The following DDX4 variants were observed in gnomAD, a reference collection of about 807,000 sequenced individuals.
DDX4 encodes the protein DEAD-box helicase 4, also known as probable ATP-dependent RNA helicase DDX4.
Under a neutral mutation model 100.0 loss-of-function variants are expected in DDX4, and 25 were observed. That is an observed-to-expected ratio of 0.25 (90% confidence interval 0.18 to 0.35). DDX4 has a LOEUF of 0.35. DDX4 is among the 10% of genes least tolerant of loss of function. The probability of loss-of-function intolerance (pLI) is 1.00; values close to 1 mark genes in which losing one functional copy is unlikely to be tolerated. For synonymous variants in DDX4, 259 were observed against 275.7 expected, an observed-to-expected ratio of 0.94 and a Z score of 0.60; for missense variants, 635 against 882.4, an observed-to-expected ratio of 0.72 and a Z score of 3.55.
intron 17 of DDX4, among the ~76,000 whole-genome samples, chr5:55,793,095 G>C (rs1742697237): frequency 6.6e-6 from 1 of 151,208 alleles, no homozygotes; most frequent in South Asian, 2.1e-4. Flanking sequence ...AATCCAGCTA[G>C]GGTTTAATAA....
At chr5:55,780,133 G>A (rs368446851) in intron 8 of DDX4, 68 bp downstream of exon 8, 25 of 1,568,648 alleles carry the variant, frequency 1.6e-5, no homozygotes, top group Middle Eastern at 1.7e-4. Flanking sequence ...AAAAAAATAC[G>A]TATCAAAGAA....
chr5:55,813,753 T>G lies in DDX4; in HGVS notation c.1696T>G (p.Ser566Ala). The G allele has an allele frequency of 6.3e-7, 1 of 1,597,180 alleles. No individual in the cohort carries two copies. The highest frequency in any genetic ancestry group is 8.5e-7 in the Non-Finnish European group (1 of 1,173,584). The stretch of plus-strand genomic sequence containing the variant: ...AACTTTTCTTTGTCAAGAAAAAATA[T>G]CAACTACAAGTATTCATGGGTGAGT... ...IATFLCQEKISTTSIHGDREQ... is the reference protein window; with the variant it reads ...IATFLCQEKIATTSIHGDREQ... Residue 566 changes from serine to alanine, a missense_variant, in exon 19 of 22, where the codon TCA becomes GCA. This residue lies in a region of DDX4 where 115 missense variants were observed against 224.7 expected (regional missense o/e 0.51). Coordinates refer to ENST00000505374, the MANE Select transcript of DDX4 (RefSeq NM_024415.3).
At chr5:55,805,085 A>T (rs972577650) in intron 18 of DDX4, among the ~76,000 whole-genome samples, 3 of 151,766 alleles carry the variant, frequency 2.0e-5, no homozygotes, top group Non-Finnish European at 4.4e-5. Flanking sequence ...CTTTGAAGCA[A>T]TTGTGAATGG....
chr5:55,799,888 G>T (rs896929369), intron 18 of DDX4, among the ~76,000 whole-genome samples: 1 of 152,060 alleles, frequency 6.6e-6, no homozygotes, highest in African/African-American at 2.4e-5. Flanking sequence ...ATGCGAAGGT[G>T]GTTCATCAGC....
chr5:55,788,721 C>T (rs1251357443), intron 15 of DDX4, among the ~76,000 whole-genome samples: 1 of 152,112 alleles, frequency 6.6e-6, no homozygotes, highest in South Asian at 2.1e-4. Flanking sequence ...TAGGTTCTTT[C>T]TAACTTGGGG....
intron 17 of DDX4, 32 bp downstream of exon 17, chr5:55,792,839 A>T (rs1742664626): frequency 3.5e-6 from 4 of 1,156,414 alleles, no homozygotes; most frequent in Non-Finnish European, 4.5e-6. Context: ...TAATTTAATT[A>T]TATATATATA....
At chr5:55,763,290 G>C in intron 5 of DDX4, 38 bp downstream of exon 5, 1 of 1,317,520 alleles carries the variant, frequency 7.6e-7, no homozygotes, top group Admixed American at 1.7e-5. Context: ...ATCAAAACTT[G>C]AGTGATTTTT....
Position 55,816,586 on chromosome 5 carries a change from A to C in DDX4, c.*46A>C. ...CTGTGGTTTTGATGCAGAGAAGAAA[A>C]TAGTTTTGATTTTTGAGTTTTTAAC... On this transcript the variant is annotated 3_prime_UTR_variant, in exon 22 of 22. Transcript: ENST00000505374. The C allele has an allele frequency of 6.3e-7, 1 of 1,593,944 alleles. No individual in the cohort carries two copies.
chr5:55,773,830 C>T (rs1045804614), intron 7 of DDX4, among the ~76,000 whole-genome samples: 9 of 152,022 alleles, frequency 5.9e-5, no homozygotes, highest in African/African-American at 1.7e-4. Context: ...CACTACATTG[C>T]GCAGGCTGAT....
At chr5:55,751,550 G>A (rs1759552970) in intron 3 of DDX4, among the ~76,000 whole-genome samples, 1 of 152,148 alleles carries the variant, frequency 6.6e-6, no homozygotes, top group Non-Finnish European at 1.5e-5. Flanking sequence ...GCTTTACTAT[G>A]CATGTATCTG....
chr5:55,746,446 A>G (rs1336315145), intron 3 of DDX4, among the ~76,000 whole-genome samples: 1 of 152,230 alleles, frequency 6.6e-6, no homozygotes, highest in Non-Finnish European at 1.5e-5. Flanking sequence ...TTACTATAAA[A>G]CATTTGCCTA....
intron 18 of DDX4, among the ~76,000 whole-genome samples, chr5:55,804,694 G>T (rs1361576739): frequency 6.6e-6 from 1 of 151,944 alleles, no homozygotes; most frequent in African/African-American, 2.4e-5. Flanking sequence ...CTCTGTTTTG[G>T]TACCAGTACC....
At chr5:55,781,271 C>A in intron 9 of DDX4, 125 bp downstream of exon 9, 1 of 662,964 alleles carries the variant, frequency 1.5e-6, no homozygotes, top group Non-Finnish European at 2.4e-6. Context: ...GCTTTTAGAT[C>A]TGTAGGTAAA....
At chr5:55,755,630 G>A (rs1254099013) in intron 3 of DDX4, among the ~76,000 whole-genome samples, 2 of 151,930 alleles carry the variant, frequency 1.3e-5, no homozygotes, top group African/African-American at 4.8e-5. Context: ...ATGTTTTCCA[G>A]TAAGCTCCGG....
intron 3 of DDX4, among the ~76,000 whole-genome samples, chr5:55,757,039 G>A (rs946799575): frequency 2.0e-5 from 3 of 152,108 alleles, no homozygotes; most frequent in African/African-American, 7.2e-5. Context: ...ATTTTCCTTA[G>A]GATTGTGTGC....
At chr5:55,791,170 T>A (rs1742537006) in intron 16 of DDX4, among the ~76,000 whole-genome samples, 1 of 152,218 alleles carries the variant, frequency 6.6e-6, no homozygotes, top group South Asian at 2.1e-4. Context: ...GGATTGTTAA[T>A]TTTCTAAATC....
chr5:55,772,062 T>TA lies in DDX4; in HGVS notation c.394+4123dup, dbSNP rs535704380. ...GGTGAAACCCCGTCTGTACTAAAAA[T>TA]ACAAAAATTAGCTGGGCGCATGCCT... On this transcript the variant is annotated intron_variant, in intron 7 of 21. Coordinates refer to ENST00000505374, the MANE Select transcript of DDX4 (RefSeq NM_024415.3). Among the ~76,000 whole-genome samples the TA allele has an allele frequency of 2.5e-4, 38 of 152,116 alleles. No homozygotes were observed. The East Asian group carries it at 6.8e-3, about 27-fold the overall frequency.
intron 6 of DDX4, chr5:55,767,011 A>G (rs1286762357): frequency 3.3e-6 from 5 of 1,504,102 alleles, no homozygotes; most frequent in East Asian, 5.0e-5. Context: ...TCATACTACT[A>G]TTTTAAAACT....
At chr5:55,766,135 A>G (rs1740912984) in intron 6 of DDX4, among the ~76,000 whole-genome samples, 1 of 151,936 alleles carries the variant, frequency 6.6e-6, no homozygotes, top group Non-Finnish European at 1.5e-5. Flanking sequence ...TTTTTGTATA[A>G]TTAATAGGTT....
Sources: allele counts gnomAD v4.1 joint callset (sites outside exome capture counted in the v4.1 genomes callset), GRCh38; gene constraint gnomAD v4.1.1; regional missense constraint gnomAD v4.1.1; transcripts MANE v1.5; gene names NCBI Gene and HGNC (gene_info 2026-07-23, HGNC 2026-07-21).